PPP1R12C: variants seen among roughly 807,000 people sequenced by gnomAD.
PPP1R12C encodes protein phosphatase 1 regulatory subunit 12C, also known as leukocyte receptor cluster (LRC) encoded novel gene 3.
A neutral mutation model predicts 95.6 loss-of-function variants in PPP1R12C; 48 were observed. The observed-to-expected ratio is 0.50, with a 90% CI of 0.40 to 0.64. The LOEUF is 0.64. Ranked by LOEUF, PPP1R12C falls within the 30% of genes least tolerant of loss-of-function variation. PPP1R12C has a pLI of 0.00. For synonymous variants in PPP1R12C, 480 were observed against 460.8 expected, an observed-to-expected ratio of 1.04 and a Z score of -0.53; for missense variants, 1,057 against 1,083.3, an observed-to-expected ratio of 0.98 and a Z score of 0.34.
At chr19:55,091,763 G>A in intron 20 of PPP1R12C, 63 bp from the exon 21 acceptor site, 2 of 1,612,524 alleles carry the variant, frequency 1.2e-6, no homozygotes, top group South Asian at 2.2e-5. Context: ...GAAGGCCAGG[G>A]GCCAGCTGGG....
At chr19:55,104,490 G>A (rs913355680) in intron 3 of PPP1R12C, among the ~76,000 whole-genome samples, 1 of 151,376 alleles carries the variant, frequency 6.6e-6, no homozygotes, top group Non-Finnish European at 1.5e-5. Flanking sequence ...ATCACCTGAG[G>A]TCAAGAGTTC....
At chr19:55,092,179 G>A (rs1190483715) in intron 19 of PPP1R12C, 43 bp downstream of exon 19, 4 of 1,501,744 alleles carry the variant, frequency 2.7e-6, no homozygotes, top group Non-Finnish European at 1.8e-6. Context: ...CCCCACCCAG[G>A]CGGCCCTGCC....
intron 3 of PPP1R12C, among the ~76,000 whole-genome samples, chr19:55,105,045 C>T (rs1350377983): frequency 1.3e-5 from 2 of 150,648 alleles, no homozygotes; most frequent in East Asian, 3.9e-4. Flanking sequence ...GCTGAAATTA[C>T]AGGCAGGAGC....
chr19:55,113,312 G>A (rs1014586840), intron 1 of PPP1R12C: 26 of 1,039,650 alleles, frequency 2.5e-5, no homozygotes, highest in Non-Finnish European at 3.3e-5. Context: ...GGGCTATGCA[G>A]GGTGGAGGAA....
chr19:55,093,111 A>T, intron 14 of PPP1R12C, 35 bp from the exon 15 acceptor site: 1 of 1,612,898 alleles, frequency 6.2e-7, no homozygotes, highest in Non-Finnish European at 8.5e-7. Flanking sequence ...GGGAAGCAGG[A>T]CATCCCGCAC....
chr19:55,115,118 C>T (rs1452036781), intron 1 of PPP1R12C: 2 of 152,146 alleles, frequency 1.3e-5, no homozygotes, highest in East Asian at 3.9e-4. Flanking sequence ...TCCCAGATAG[C>T]ACTGGGGACT....
At position 55,094,791 on chromosome 19, in the gene PPP1R12C, C is replaced by G. The variant is rs1261317464; in HGVS notation, c.1462G>C (p.Val488Leu). 5 of 1,594,774 alleles carry G rather than the reference C, an allele frequency of 3.1e-6. No individual in the cohort carries two copies. In the East Asian group the frequency reaches 1.1e-4, roughly 36 times the overall value. ...TCCAAGCAAGGAGGAGGCTTGGTGA[C>G]CTCAGACCTGCATCAATTCATTCAT... ...KLPEPSVLSE[V>L]TKPPPCLENS... Residue 488 changes from valine to leucine, a missense_variant, in exon 12 of 22, where the codon GTC becomes CTC. Val to Leu is a conservative substitution (Grantham distance 32). This residue lies in a region of PPP1R12C where 356 missense variants were observed against 330.5 expected (regional missense o/e 1.08). Transcript: ENST00000263433.
intron 11 of PPP1R12C, 170 bp from the exon 12 acceptor site, chr19:55,094,968 C>G (rs1016261281): frequency 2.5e-6 from 2 of 812,908 alleles, no homozygotes; most frequent in Non-Finnish European, 3.9e-6. Context: ...CACTACGCAA[C>G]CGGTCAGAAG....
At position 55,093,001 on chromosome 19, in the gene PPP1R12C, G is replaced by A. The variant is rs750974036; in HGVS notation, c.1825+15C>T. On this transcript the variant is annotated intron_variant, in intron 15 of 21. Coordinates refer to ENST00000263433, the MANE Select transcript of PPP1R12C (RefSeq NM_017607.4). ...ATGATTCCCTGGGAATGACCTCCCC[G>A]AGAGCAGACCTCACCTCTCTGGGCA... 5 of 1,568,302 alleles carry A rather than the reference G, an allele frequency of 3.2e-6. No homozygotes were observed. The highest frequency in any genetic ancestry group is 4.3e-6 in the Non-Finnish European group (5 of 1,155,484).
At chr19:55,100,269 A>G (rs2084966421) in intron 4 of PPP1R12C, among the ~76,000 whole-genome samples, 1 of 152,220 alleles carries the variant, frequency 6.6e-6, no homozygotes, top group African/African-American at 2.4e-5. Context: ...GCAGTTCTCA[A>G]CTGGGGCAAT....
chr19:55,115,361 C>T (rs1477453425), intron 1 of PPP1R12C: 1 of 152,176 alleles, frequency 6.6e-6, no homozygotes, highest in Non-Finnish European at 1.5e-5. Context: ...AGTTAGAACT[C>T]AGGACCAACT....
chr19:55,113,640 C>T (rs920128820), intron 1 of PPP1R12C: 18 of 1,243,288 alleles, frequency 1.4e-5, no homozygotes, highest in African/African-American at 6.2e-5. Context: ...CCTAGATCCA[C>T]GGGATAAATT....
At chr19:55,092,582 G>A (rs753474403) in intron 17 of PPP1R12C, 38 bp from the exon 18 acceptor site, 3 of 1,560,634 alleles carry the variant, frequency 1.9e-6, no homozygotes, top group African/African-American at 1.4e-5. Flanking sequence ...GGGCCGGCCC[G>A]GCCCGCACGC....
chr19:55,091,629 C>T, intron 21 of PPP1R12C, 21 bp downstream of exon 21: 1 of 1,606,818 alleles, frequency 6.2e-7, no homozygotes, highest in Non-Finnish European at 8.5e-7. Context: ...GCCCTCTGCC[C>T]ACAGCCCCCA....
Position 55,096,032 on chromosome 19 carries a change from C to T in PPP1R12C, c.1153+19G>A. ...CCCCTCCTCCCTCGGACCCAGGAGT[C>T]CAGATTCAGGCCCCTCACCGGTGGG... On this transcript the variant is annotated intron_variant, in intron 8 of 21. Transcript: ENST00000263433. 6.2e-7 allele frequency: 1 copy of T among 1,609,056 alleles called. No homozygotes were observed. Among genetic ancestry groups the T allele is most frequent in the Non-Finnish European group, 8.5e-7 (1 of 1,179,324 alleles).
At chr19:55,111,383 A>G (rs570126047) in intron 3 of PPP1R12C, 1 of 152,342 alleles carries the variant, frequency 6.6e-6, no homozygotes, top group East Asian at 1.9e-4. Flanking sequence ...AGTGAAAGTC[A>G]TATGGGTAGT....
intron 6 of PPP1R12C, among the ~76,000 whole-genome samples, chr19:55,097,317 G>A (rs1445369227): frequency 2.3e-5 from 2 of 86,802 alleles, no homozygotes; most frequent in Non-Finnish European, 4.5e-5. Context: ...GTTCACCACC[G>A]TCTTCACCCC....
intron 3 of PPP1R12C, among the ~76,000 whole-genome samples, chr19:55,107,658 C>T: frequency 7.3e-6 from 1 of 137,490 alleles, no homozygotes. Flanking sequence ...AATGAGAACA[C>T]TTGGACACAG....
At chr19:55,112,834 G>C (rs767673764) in intron 1 of PPP1R12C, 39 bp from the exon 2 acceptor site, 2 of 1,607,240 alleles carry the variant, frequency 1.2e-6, no homozygotes, top group South Asian at 2.2e-5. Flanking sequence ...ACCTACCCCA[G>C]CCACGGTGTC....
Sources: gnomAD v4.1 joint callset for allele counts (sites outside exome capture counted in the v4.1 genomes callset) on GRCh38, gnomAD v4.1.1 for gene constraint, gnomAD v4.1.1 regional missense constraint, MANE v1.5 for transcripts, NCBI Gene and HGNC (gene_info 2026-07-23, HGNC 2026-07-21) for gene names.